MYO5A: variants seen among roughly 807,000 people sequenced by gnomAD.
MYO5A encodes the protein unconventional myosin-Va.
A neutral mutation model predicts 249.7 loss-of-function variants in MYO5A; 98 were observed. The ratio of observed to expected loss-of-function variants is 0.39; its 90% CI spans 0.33 to 0.46. MYO5A has a LOEUF of 0.46. Ranked by LOEUF, MYO5A falls within the 20% of genes least tolerant of loss-of-function variation. The pLI, the probability that MYO5A is intolerant of heterozygous loss-of-function variation, is 0.98. For missense variants in MYO5A, 1,696 were observed against 2,308.8 expected (o/e 0.73, Z 5.44); for synonymous variants, 778 against 810.6 (o/e 0.96, Z 0.68).
intron 25 of MYO5A, among the ~76,000 whole-genome samples, chr15:52,355,907 T>G (rs2040197602): frequency 1.3e-5 from 2 of 152,180 alleles, no homozygotes; most frequent in Admixed American, 6.5e-5. Context: ...CCTAATAACA[T>G]TTTAAAAATG....
At chr15:52,483,566 G>A (rs544587515) in intron 1 of MYO5A, among the ~76,000 whole-genome samples, 29 of 152,100 alleles carry the variant, frequency 1.9e-4, no homozygotes, top group African/African-American at 6.0e-4. Flanking sequence ...GCAAGGACAC[G>A]CCTAGAAATT....
At chr15:52,436,660 G>A (rs150656511) in intron 1 of MYO5A, among the ~76,000 whole-genome samples, 1 of 152,108 alleles carries the variant, frequency 6.6e-6, no homozygotes, top group African/African-American at 2.4e-5. Context: ...TGTCTGTGTT[G>A]TTCAACACAG....
chr15:52,407,029 C>T (rs1301603652), intron 8 of MYO5A, among the ~76,000 whole-genome samples: 1 of 152,180 alleles, frequency 6.6e-6, no homozygotes, highest in Admixed American at 6.5e-5. Flanking sequence ...GGCTAATTTG[C>T]ATACCATAAA....
Position 52,311,609 on chromosome 15 carries a change from G to A in MYO5A, c.*2087C>T, listed in dbSNP as rs1359544934. On this transcript the variant is annotated 3_prime_UTR_variant, in exon 42 of 42. Coordinates refer to ENST00000399233, the MANE Select transcript of MYO5A (RefSeq NM_001382347.1). ...TTCTAAAAGCATGTACATAAATCAT[G>A]TACATTTAAGAAAGGTTACAGCTAC... 1 of 152,184 alleles carries A rather than the reference G, an allele frequency of 6.6e-6. No individual in the cohort carries two copies. Among genetic ancestry groups the A allele is most frequent in the Non-Finnish European group, 1.5e-5 (1 of 68,034 alleles). 9.4% of individuals were successfully genotyped at this position (152,184 alleles called of 1,614,324 possible). A position where few individuals can be genotyped will look rare whatever the true frequency, so the allele number is the denominator to read the frequency against.
At chr15:52,332,587 A>T (rs1426931999) in intron 34 of MYO5A, among the ~76,000 whole-genome samples, 2 of 152,196 alleles carry the variant, frequency 1.3e-5, no homozygotes, top group African/African-American at 4.8e-5. Context: ...CTAGGGACTT[A>T]AGTCTTTGCA....
chr15:52,483,960 C>A (rs1173785743), intron 1 of MYO5A, among the ~76,000 whole-genome samples: 1 of 152,192 alleles, frequency 6.6e-6, no homozygotes, highest in African/African-American at 2.4e-5. Flanking sequence ...CGTCCACCTC[C>A]CAGTCAGGAA....
At position 52,396,411 on chromosome 15, in the gene MYO5A, A is replaced by G; in HGVS notation, c.1320-14T>C. 1 of 1,446,454 alleles carries G rather than the reference A, an allele frequency of 6.9e-7. No homozygotes were observed. Among genetic ancestry groups the G allele is most frequent in the Non-Finnish European group, 9.7e-7 (1 of 1,033,168 alleles). The allele number at this position is 1,446,454 out of a possible 1,614,324, so 89.6% of individuals were successfully genotyped here. A position where few individuals can be genotyped will look rare whatever the true frequency, so the allele number is the denominator to read the frequency against. ...AATGTTTCAAATCTGTAACCACAAA[A>G]ATAATATGAAAAGGGGAGAAAAGGA... is the stretch of plus-strand genomic sequence containing the variant. On this transcript the variant is annotated splice_polypyrimidine_tract_variant and intron_variant, in intron 10 of 41. Coordinates refer to ENST00000399233, the MANE Select transcript of MYO5A (RefSeq NM_001382347.1).
At chr15:52,383,833 C>T (rs1166932484) in intron 15 of MYO5A, among the ~76,000 whole-genome samples, 1 of 152,194 alleles carries the variant, frequency 6.6e-6, no homozygotes, top group Non-Finnish European at 1.5e-5. Flanking sequence ...AAGGCGAGGG[C>T]CCTGTTCTGA....
intron 19 of MYO5A, among the ~76,000 whole-genome samples, chr15:52,376,143 G>A (rs1284277350): frequency 1.3e-5 from 2 of 152,200 alleles, no homozygotes; most frequent in Non-Finnish European, 2.9e-5. Flanking sequence ...GCAGCAGTTT[G>A]TAAATGTTTT....
At chr15:52,509,017 G>C (rs1450534218) in intron 1 of MYO5A, among the ~76,000 whole-genome samples, 2 of 151,764 alleles carry the variant, frequency 1.3e-5, no homozygotes, top group Admixed American at 1.3e-4. Context: ...TATCACCCAG[G>C]CTGGAGTGCA....
chr15:52,463,123 G>A (rs895880431), intron 1 of MYO5A, among the ~76,000 whole-genome samples: 2 of 152,102 alleles, frequency 1.3e-5, no homozygotes, highest in African/African-American at 4.8e-5. Context: ...ATTTTTTCTT[G>A]AGTGACAGGT....
rs141182180 is a variant in MYO5A at position 52,399,202 on chromosome 15, C to G, written c.1054-1736G>C. ...TCTCCCACTCTGATAGCAAATTTGTCTCTTCTTGAGGTTTCTGTTGATTTT... is the reference window on the plus strand; with the variant it reads ...TCTCCCACTCTGATAGCAAATTTGTGTCTTCTTGAGGTTTCTGTTGATTTT... On this transcript the variant is annotated intron_variant, in intron 9 of 41. Transcript: ENST00000399233. Among the ~76,000 whole-genome samples the G allele has an allele frequency of 2.6e-5, 4 of 152,228 alleles. No individual in the cohort carries two copies. The East Asian group carries it at 7.7e-4, about 29-fold the overall frequency.
intron 36 of MYO5A, among the ~76,000 whole-genome samples, chr15:52,327,636 T>C (rs900209600): frequency 1.3e-5 from 2 of 152,184 alleles, no homozygotes; most frequent in African/African-American, 4.8e-5. Flanking sequence ...GAGCCTGGGA[T>C]TGCACTGGGG....
chr15:52,476,037 AG>A (rs1369629681), intron 1 of MYO5A, among the ~76,000 whole-genome samples: 1 of 152,136 alleles, frequency 6.6e-6, no homozygotes, highest in East Asian at 1.9e-4. Context: ...GTCTCTTTGT[AG>A]GTCTCTAAGG....
Position 52,405,337 on chromosome 15 carries a change from A to G in MYO5A, c.1003T>C (p.Leu335=), listed in dbSNP as rs763931236. ...CGGGATGTAAATCCAACATTGCCTAAGTGAAGGATGCCAGCAAGTATTCGG... is the reference window on the plus strand; with the variant it reads ...CGGGATGTAAATCCAACATTGCCTAGGTGAAGGATGCCAGCAAGTATTCGG... ...IFRILAGILH[L]GNVGFTSRDA... The change falls in exon 9 of 42, where the codon TTA becomes CTA. Residue 335 remains leucine (L), a synonymous_variant. Transcript: ENST00000399233. 1.9e-6 allele frequency: 3 copies of G among 1,613,936 alleles called. No individual in the cohort carries two copies. The African/African-American group carries it at 4.0e-5, about 22-fold the overall frequency.
chr15:52,475,080 A>C (rs2076562909), intron 1 of MYO5A, among the ~76,000 whole-genome samples: 1 of 152,140 alleles, frequency 6.6e-6, no homozygotes. Flanking sequence ...TTATTGGTCT[A>C]TTCAGGGATT....
At chr15:52,439,538 G>A (rs2075741132) in intron 1 of MYO5A, among the ~76,000 whole-genome samples, 1 of 152,110 alleles carries the variant, frequency 6.6e-6, no homozygotes, top group East Asian at 1.9e-4. Flanking sequence ...ATAGTTTGTG[G>A]GCAGCACATA....
intron 1 of MYO5A, among the ~76,000 whole-genome samples, chr15:52,442,069 T>G (rs1259197491): frequency 6.6e-6 from 1 of 152,196 alleles, no homozygotes; most frequent in Non-Finnish European, 1.5e-5. Context: ...GCTAGGCATG[T>G]GGGGAGCAGA....
At chr15:52,505,726 G>A (rs2077255314) in intron 1 of MYO5A, 1 of 1,412,988 alleles carries the variant, frequency 7.1e-7, no homozygotes, top group Non-Finnish European at 9.9e-7. Flanking sequence ...AGTTCCAGTG[G>A]GATACAGAAT....
Sources: gnomAD v4.1 joint callset for allele counts (sites outside exome capture counted in the v4.1 genomes callset) on GRCh38, gnomAD v4.1.1 for gene constraint, MANE v1.5 for transcripts, NCBI Gene and HGNC (gene_info 2026-07-23, HGNC 2026-07-21) for gene names.